Variants in BRWD3 observed in about 807,000 individuals in gnomAD.
BRWD3 encodes bromodomain and WD repeat-containing protein 3.
In BRWD3, 10 loss-of-function variants were observed where a neutral mutation model predicts 149.7. The ratio of observed to expected loss-of-function variants is 0.07; its 90% CI spans 0.04 to 0.11. BRWD3 has a LOEUF of 0.11. Ranked by LOEUF, BRWD3 falls within the 10% of genes least tolerant of loss-of-function variation. The probability of loss-of-function intolerance (pLI) is 1.00; values close to 1 mark genes in which losing one functional copy is unlikely to be tolerated. For missense variants in BRWD3, 940 were observed against 1,373.2 expected (o/e 0.68, Z 4.99); for synonymous variants, 504 against 456.7 (o/e 1.10, Z -1.32).
chrX:80,700,740 A>AAAATAAATAAAT (rs761838716), intron 24 of BRWD3, among the ~76,000 whole-genome samples: 5 of 108,104 alleles, frequency 4.6e-5, no homozygotes, highest in African/African-American at 1.3e-4. Context: ...TCCCTGTCAA[A>AAAATAAATAAAT]AAATAAATAA....
intron 20 of BRWD3, among the ~76,000 whole-genome samples, chrX:80,713,482 C>G (rs1170409046): frequency 9.1e-6 from 1 of 110,130 alleles, no homozygotes; most frequent in Non-Finnish European, 1.9e-5. Flanking sequence ...TAAACAGATG[C>G]TTGAAGGCAG....
intron 26 of BRWD3, among the ~76,000 whole-genome samples, chrX:80,696,519 TACACACACACACAC>T (rs560341387): frequency 8.9e-4 from 73 of 82,176 alleles, no homozygotes; most frequent in Non-Finnish European, 1.2e-3. Context: ...ATAACATAAA[TACACACACACACAC>T]ACACACACAC....
At chrX:80,690,827 T>C (rs1169835829) in intron 31 of BRWD3, among the ~76,000 whole-genome samples, 1 of 111,735 alleles carries the variant, frequency 8.9e-6, no homozygotes, top group African/African-American at 3.3e-5. Context: ...GTTTTTGTTT[T>C]ACACACCATT....
intron 4 of BRWD3, among the ~76,000 whole-genome samples, chrX:80,800,749 G>C (rs1420032182): frequency 9.1e-6 from 1 of 109,878 alleles, no homozygotes; most frequent in African/African-American, 3.3e-5. Flanking sequence ...AACCGGGCAG[G>C]GGAAAAAAAA....
chrX:80,764,180 T>C (rs972319532), intron 6 of BRWD3, among the ~76,000 whole-genome samples: 2 of 112,620 alleles, frequency 1.8e-5, no homozygotes, highest in African/African-American at 3.2e-5. Flanking sequence ...ATAATGAACG[T>C]TGACCTAAAC....
At chrX:80,687,053 T>G in intron 34 of BRWD3, 50 bp from the exon 35 acceptor site, 1 of 1,127,995 alleles carries the variant, frequency 8.9e-7, no homozygotes, top group South Asian at 1.8e-5. Context: ...TTAACTCAGT[T>G]GATTTTCTCA....
At chrX:80,732,063 C>A (rs1294546125) in intron 12 of BRWD3, among the ~76,000 whole-genome samples, 2 of 111,045 alleles carry the variant, frequency 1.8e-5, no homozygotes. Context: ...TTGTTTCATG[C>A]ACAAAATTAT....
intron 5 of BRWD3, among the ~76,000 whole-genome samples, chrX:80,793,265 G>A (rs1354356465): frequency 2.8e-5 from 3 of 106,245 alleles, no homozygotes; most frequent in African/African-American, 6.8e-5. Flanking sequence ...TACCTGTTAC[G>A]AAAAGTACAA....
intron 8 of BRWD3, among the ~76,000 whole-genome samples, 188 bp from the exon 9 acceptor site, chrX:80,736,276 C>CA (rs1467359088): frequency 2.3e-4 from 25 of 111,053 alleles, no homozygotes; most frequent in Non-Finnish European, 3.6e-4. Context: ...TTTAAAATAT[C>CA]AAAAAAACTA....
intron 12 of BRWD3, among the ~76,000 whole-genome samples, chrX:80,732,727 A>T (rs2073349967): frequency 8.9e-6 from 1 of 112,118 alleles, no homozygotes; most frequent in South Asian, 3.7e-4. Flanking sequence ...GGATTCATAT[A>T]GAGAATAGTA....
At chrX:80,742,612 C>T (rs2073530716) in intron 8 of BRWD3, among the ~76,000 whole-genome samples, 1 of 110,150 alleles carries the variant, frequency 9.1e-6, no homozygotes, top group African/African-American at 3.3e-5. Flanking sequence ...AGGTCCTTCA[C>T]ATCCCTTGTA....
At position 80,676,584 on chromosome X, in the gene BRWD3, T is replaced by G. The variant is rs754533003; in HGVS notation, c.*25A>C. On this transcript the variant is annotated 3_prime_UTR_variant, in exon 41 of 41. Transcript: ENST00000373275. ...TGCAGTAGAAGGCCATTGAATTTTT[T>G]AAGTTATTCTAAATTTATTAACTGT... The G allele has an allele frequency of 1.4e-5, 17 of 1,206,933 alleles. No homozygotes were observed. Among genetic ancestry groups the G allele is most frequent in the South Asian group, 5.3e-5 (3 of 56,465 alleles).
intron 14 of BRWD3, among the ~76,000 whole-genome samples, chrX:80,726,017 T>A (rs906323859): frequency 4.6e-5 from 5 of 108,863 alleles, no homozygotes; most frequent in Non-Finnish European, 7.7e-5. Flanking sequence ...ATGTTATATG[T>A]CTATATAACA....
rs1304457004 is a variant in BRWD3, at chrX:80,681,447, A to T, written c.4548T>A (p.Asp1516Glu). 8.3e-7 allele frequency: 1 copy of T among 1,209,795 alleles called. No homozygotes were observed. The highest frequency in any genetic ancestry group is 2.2e-5 in the Admixed American group (1 of 45,901). The change falls in exon 40 of 41, where the codon GAT (aspartate) becomes GAA (glutamate). Residue 1516 changes from aspartate (D) to glutamate (E), a missense_variant. By Grantham distance (45) the Asp-to-Glu change is conservative. This residue lies in a region of BRWD3 where 349 missense variants were observed against 419.6 expected (regional missense o/e 0.83). Coordinates refer to ENST00000373275, the MANE Select transcript of BRWD3 (RefSeq NM_153252.5). ...LSLYLLDDEP[D>E]GPFSSSSFGG... is the part of the protein sequence containing the mutation. The stretch of plus-strand genomic sequence containing the variant: ...CGAAGCTCGATGAAGAAAATGGCCC[A>T]TCTGGCTCATCATCAAGTAGATATA...
intron 26 of BRWD3, among the ~76,000 whole-genome samples, chrX:80,696,403 C>T (rs956217320): frequency 3.6e-5 from 4 of 109,663 alleles, no homozygotes; most frequent in African/African-American, 1.3e-4. Flanking sequence ...TCTTTGATTC[C>T]TCACAACAAT....
Position 80,744,082 on chromosome X carries a change from C to T in BRWD3, c.763G>A (p.Ala255Thr). The change falls in exon 8 of 41, where the codon GCA (alanine) becomes ACA (threonine). Residue 255 changes from alanine to threonine, a missense_variant. This residue lies in a region of BRWD3 where 209 missense variants were observed against 396.8 expected (regional missense o/e 0.53). Transcript: ENST00000373275. Reference sequence around the variant, plus strand: ...TGGCCCTGAAGGACTGCAACGGGTGCACAAGTTCGAAGACACCATACTCTT... The same window carrying T: ...TGGCCCTGAAGGACTGCAACGGGTGTACAAGTTCGAAGACACCATACTCTT... ...VVRVWCLRTC[A>T]PVAVLQGHSA... is the part of the protein sequence containing the mutation. The T allele has an allele frequency of 5.0e-6, 6 of 1,211,405 alleles. No homozygotes were observed. Among genetic ancestry groups the T allele is most frequent in the Non-Finnish European group, 6.7e-6 (6 of 895,296 alleles).
chrX:80,792,132 A>G lies in BRWD3; in HGVS notation c.332-180T>C, dbSNP rs1437864757. ...TAAACTAAATTTATAACTGGTAACCACCCAACACCTTAACATATCATCTGG... is the reference window on the plus strand; with the variant it reads ...TAAACTAAATTTATAACTGGTAACCGCCCAACACCTTAACATATCATCTGG... On this transcript the variant is annotated intron_variant, in intron 5 of 40. Transcript: ENST00000373275. 4.4e-5 allele frequency among the ~76,000 whole-genome samples: 5 copies of G among 112,552 alleles called. No individual in the cohort carries two copies. In the Admixed American group the frequency reaches 4.7e-4, roughly 11 times the overall value.
chrX:80,691,115 A>C lies in BRWD3; in HGVS notation c.3540T>G (p.Thr1180=). The C allele has an allele frequency of 8.3e-7, 1 of 1,208,644 alleles. No individual in the cohort carries two copies. The highest frequency in any genetic ancestry group is 1.1e-6 in the Non-Finnish European group (1 of 892,780). Reference sequence around the variant, plus strand: ...TGAGGTCAGTTGGATAAGCAACTACAGTACAATACAAGGGGTAGGCACTGA... The same window carrying C: ...TGAGGTCAGTTGGATAAGCAACTACCGTACAATACAAGGGGTAGGCACTGA... The part of the protein sequence containing the change: ...VDLSAYPLYC[T]VVAYPTDLNT... Residue 1180 remains threonine (T), a synonymous_variant, in exon 31 of 41, where the codon ACT becomes ACG. Transcript: ENST00000373275.
chrX:80,779,144 T>A (rs1476832225), intron 6 of BRWD3, among the ~76,000 whole-genome samples: 2 of 110,447 alleles, frequency 1.8e-5, no homozygotes, highest in African/African-American at 6.6e-5. Context: ...TGAAACCCCA[T>A]CTCTACTAAA....
Sources: gnomAD v4.1 joint callset for allele counts (sites outside exome capture counted in the v4.1 genomes callset) on GRCh38, gnomAD v4.1.1 for gene constraint, gnomAD v4.1.1 regional missense constraint, MANE v1.5 for transcripts, NCBI Gene and HGNC (gene_info 2026-07-23, HGNC 2026-07-21) for gene names.